METTL4: variants seen among roughly 807,000 people sequenced by gnomAD.
The protein encoded by METTL4 is N(6)-adenine-specific methyltransferase METTL4.
Under a neutral mutation model 54.0 loss-of-function variants are expected in METTL4, and 40 were observed. That is an observed-to-expected ratio of 0.74 (90% confidence interval 0.58 to 0.96). The LOEUF (loss-of-function observed/expected upper bound fraction) is 0.96, where lower values mean the gene tolerates loss of function less well. Ranked by LOEUF, METTL4 falls within the 50% of genes least tolerant of loss-of-function variation. The pLI, the probability that METTL4 is intolerant of heterozygous loss-of-function variation, is 0.00. For synonymous variants in METTL4, 169 were observed against 183.8 expected, an observed-to-expected ratio of 0.92 and a Z score of 0.65; for missense variants, 525 against 549.0, an observed-to-expected ratio of 0.96 and a Z score of 0.44.
intron 2 of METTL4, among the ~76,000 whole-genome samples, chr18:2,566,167 A>G (rs2072416166): frequency 1.3e-5 from 2 of 151,810 alleles, no homozygotes; most frequent in Admixed American, 6.6e-5. Context: ...TTGTAAAATC[A>G]CCTCTAAATT....
chr18:2,570,459 T>C (rs12957945), intron 1 of METTL4, among the ~76,000 whole-genome samples: 84 of 152,348 alleles, frequency 5.5e-4, no homozygotes, highest in Non-Finnish European at 1.0e-3. Flanking sequence ...AAGCAGCAAC[T>C]ATCTAGTCAG....
At chr18:2,553,615 T>C (rs1255953167) in intron 4 of METTL4, 1 of 152,188 alleles carries the variant, frequency 6.6e-6, no homozygotes, top group Non-Finnish European at 1.5e-5. Context: ...TATTATGGTG[T>C]TTGTCAGATG....
In METTL4 at chr18:2,537,658, A is replaced by G. The variant is rs2071930820; in HGVS notation, c.*1342T>C. On this transcript the variant is annotated 3_prime_UTR_variant, in exon 9 of 9. Coordinates refer to ENST00000574538, the MANE Select transcript of METTL4 (RefSeq NM_022840.5). Reference sequence around the variant, plus strand: ...CTCAAAGGATGAACAAACTTCAAAAATAACATATTTTTCTTTGACAAAATC... The same window carrying G: ...CTCAAAGGATGAACAAACTTCAAAAGTAACATATTTTTCTTTGACAAAATC... 1.0e-5 allele frequency: 4 copies of G among 384,422 alleles called. No homozygotes were observed. The highest frequency in any genetic ancestry group is 1.8e-5 in the Non-Finnish European group (4 of 217,676). The allele number at this position is 384,422 out of a possible 1,614,324, so 23.8% of individuals were successfully genotyped here. A position where few individuals can be genotyped will look rare whatever the true frequency, so the allele number is the denominator to read the frequency against.
At chr18:2,546,360 A>C (rs926911275) in intron 6 of METTL4, among the ~76,000 whole-genome samples, 3 of 152,190 alleles carry the variant, frequency 2.0e-5, no homozygotes, top group Admixed American at 1.3e-4. Context: ...GTTATTGTTT[A>C]TCTCTCTATT....
At chr18:2,555,728 G>A (rs2072229410) in intron 3 of METTL4, among the ~76,000 whole-genome samples, 1 of 151,960 alleles carries the variant, frequency 6.6e-6, no homozygotes, top group Admixed American at 6.6e-5. Context: ...TGGACAAGAT[G>A]GAGTATCATG....
chr18:2,560,451 C>T (rs924968100), intron 3 of METTL4, among the ~76,000 whole-genome samples: 3 of 152,130 alleles, frequency 2.0e-5, no homozygotes, highest in East Asian at 1.9e-4. Flanking sequence ...GCTTCCAACA[C>T]GAGAGGGCTA....
At chr18:2,569,373 G>C (rs2072468059) in intron 1 of METTL4, among the ~76,000 whole-genome samples, 1 of 152,168 alleles carries the variant, frequency 6.6e-6, no homozygotes. Context: ...TATTTAAATT[G>C]ATTCCCATCA....
At chr18:2,562,770 C>T (rs147347371) in intron 3 of METTL4, among the ~76,000 whole-genome samples, 9 of 141,810 alleles carry the variant, frequency 6.3e-5, no homozygotes, top group African/African-American at 1.1e-4. Flanking sequence ...AGCTGGGGGA[C>T]GGGGGGATGG....
chr18:2,544,367 TTC>T, intron 7 of METTL4, 81 bp from the exon 8 acceptor site: 1 of 1,016,058 alleles, frequency 9.8e-7, no homozygotes, highest in South Asian at 1.7e-5. Context: ...TTGATTTTTG[TTC>T]TCTTTCTGTA....
At chr18:2,542,200 ATT>A (rs149032135) in intron 8 of METTL4, among the ~76,000 whole-genome samples, 1 of 150,346 alleles carries the variant, frequency 6.7e-6, no homozygotes, top group Admixed American at 6.6e-5. Context: ...GGCAAGACTC[ATT>A]TTTTTTTTCT....
intron 5 of METTL4, among the ~76,000 whole-genome samples, chr18:2,551,036 C>T (rs928648021): frequency 7.9e-5 from 12 of 151,032 alleles, no homozygotes; most frequent in African/African-American, 2.2e-4. Flanking sequence ...TGGTAGCGGG[C>T]GCCTGTAGTC....
At position 2,539,194 on chromosome 18, in the gene METTL4, C is replaced by G; in HGVS notation, c.1274-49G>C. 2.1e-6 allele frequency: 3 copies of G among 1,426,076 alleles called. No homozygotes were observed. The South Asian group carries it at 3.5e-5, about 17-fold the overall frequency. 88.3% of individuals were successfully genotyped at this position (1,426,076 alleles called of 1,614,324 possible). The stretch of plus-strand genomic sequence containing the variant: ...CAAAAATTATTATTGAGGAAGGAAT[C>G]CACTTCCTTTTAGCAGTTAAGAGTA... On this transcript the variant is annotated intron_variant, in intron 8 of 8. Coordinates refer to ENST00000574538, the MANE Select transcript of METTL4 (RefSeq NM_022840.5).
At chr18:2,552,610 T>C in intron 5 of METTL4, 85 bp downstream of exon 5, 2 of 857,180 alleles carry the variant, frequency 2.3e-6, no homozygotes, top group Non-Finnish European at 3.7e-6. Flanking sequence ...ATCTATATCA[T>C]AAAGTAATGT....
intron 4 of METTL4, 85 bp downstream of exon 4, chr18:2,554,584 C>T: frequency 8.2e-7 from 1 of 1,225,816 alleles, no homozygotes; most frequent in African/African-American, 1.5e-5. Context: ...AATGCTGACC[C>T]ATCTTCAAAT....
chr18:2,539,131 A>G lies in METTL4; in HGVS notation c.1288T>C (p.Tyr430His), dbSNP rs1204441038. ...KPPLAEVLKD[Y>H]IKPDGEYLEL... ...AAATATTCCCCATCTGGCTTGATGTAGTCTTTTAAAACCTCTGTTTAAAAA... is the reference window on the plus strand; with the variant it reads ...AAATATTCCCCATCTGGCTTGATGTGGTCTTTTAAAACCTCTGTTTAAAAA... The change falls in exon 9 of 9, where the codon TAC (tyrosine) becomes CAC (histidine). Residue 430 changes from tyrosine to histidine, a missense_variant. Tyr to His is a moderately conservative substitution (Grantham distance 83, BLOSUM62 2). Transcript: ENST00000574538. 3 of 1,613,382 alleles carry G rather than the reference A, an allele frequency of 1.9e-6. No individual in the cohort carries two copies. Among genetic ancestry groups the G allele is most frequent in the Non-Finnish European group, 2.5e-6 (3 of 1,179,638 alleles).
At position 2,566,825 on chromosome 18, in the gene METTL4, C is replaced by T; in HGVS notation, c.392G>A (p.Gly131Glu). 1 of 1,549,008 alleles carries T rather than the reference C, an allele frequency of 6.5e-7. No homozygotes were observed. Among genetic ancestry groups the T allele is most frequent in the Non-Finnish European group, 8.7e-7 (1 of 1,147,522 alleles). ...VKKEISISII[G>E]KKRKRCVVFN... ...ATATTTCTTAAAACTTTCTACCTTC[C>T]CAATAATAGAAATGGAGATTTCTTT... The change falls in exon 2 of 9, where the codon GGG becomes GAG. Residue 131 changes from glycine (G) to glutamate (E), a missense_variant. By Grantham distance (98) the Gly-to-Glu change is moderately conservative. Transcript: ENST00000574538.
intron 5 of METTL4, among the ~76,000 whole-genome samples, chr18:2,551,140 G>A (rs1324789242): frequency 6.9e-6 from 1 of 144,472 alleles, no homozygotes; most frequent in South Asian, 2.2e-4. Flanking sequence ...CTCCAGCCTG[G>A]GCGACAGAAC....
chr18:2,551,126 T>C (rs1023945380), intron 5 of METTL4, among the ~76,000 whole-genome samples: 11 of 128,534 alleles, frequency 8.6e-5, no homozygotes, highest in Non-Finnish European at 1.2e-4. Context: ...ATCGCGCCAC[T>C]GCACTCCAGC....
intron 5 of METTL4, 34 bp downstream of exon 5, chr18:2,552,661 T>A (rs1478244254): frequency 2.7e-6 from 4 of 1,491,024 alleles, no homozygotes; most frequent in Non-Finnish European, 3.7e-6. Context: ...GACTACAGTT[T>A]TTTTAGAAAG....
Sources: allele counts gnomAD v4.1 joint callset (sites outside exome capture counted in the v4.1 genomes callset), GRCh38; gene constraint gnomAD v4.1.1; transcripts MANE v1.5; gene names NCBI Gene and HGNC (gene_info 2026-07-23, HGNC 2026-07-21).